ULK4: variants seen among roughly 807,000 people sequenced by gnomAD.
The protein encoded by ULK4 is unc-51 like kinase 4.
In ULK4, 133 loss-of-function variants were observed where a neutral mutation model predicts 160.6. The ratio of observed to expected loss-of-function variants is 0.83; its 90% CI spans 0.72 to 0.96. The LOEUF (loss-of-function observed/expected upper bound fraction) is 0.96, where lower values mean the gene tolerates loss of function less well. ULK4 is among the 40% of genes least tolerant of loss of function. The pLI is 0.00. For missense variants in ULK4, 1,580 were observed against 1,499.5 expected (o/e 1.05, Z -0.89); for synonymous variants, 534 against 539.8 (o/e 0.99, Z 0.15).
intron 35 of ULK4, among the ~76,000 whole-genome samples, chr3:41,381,578 A>C (rs938702194): frequency 3.3e-5 from 5 of 152,158 alleles, no homozygotes; most frequent in African/African-American, 1.2e-4. Flanking sequence ...TTTCTTTCAT[A>C]GTCTCCAACT....
intron 35 of ULK4, among the ~76,000 whole-genome samples, chr3:41,377,631 C>G (rs1403834790): frequency 6.9e-6 from 1 of 145,678 alleles, no homozygotes; most frequent in African/African-American, 2.6e-5. Context: ...AAATGCTCAT[C>G]ATCACTGGCC....
chr3:41,528,924 C>T (rs775284632), intron 32 of ULK4, among the ~76,000 whole-genome samples: 1 of 152,160 alleles, frequency 6.6e-6, no homozygotes, highest in African/African-American at 2.4e-5. Context: ...AACAAACCCC[C>T]GTGACACATG....
At chr3:41,720,265 T>C (rs1039483942) in intron 22 of ULK4, among the ~76,000 whole-genome samples, 1 of 152,226 alleles carries the variant, frequency 6.6e-6, no homozygotes, top group African/African-American at 2.4e-5. Flanking sequence ...GTTCAATACA[T>C]ATTAGCTGAA....
At chr3:41,420,468 G>GTTTTTTT (rs1559588075) in intron 34 of ULK4, among the ~76,000 whole-genome samples, 1 of 90,048 alleles carries the variant, frequency 1.1e-5, no homozygotes, top group Non-Finnish European at 2.2e-5. Context: ...CAGTTTTCCA[G>GTTTTTTT]TTCTTTCTTT....
chr3:41,404,226 A>ATTTTTTTTTTTTTTTTT (rs60508995), intron 34 of ULK4, among the ~76,000 whole-genome samples: 2 of 131,862 alleles, frequency 1.5e-5, no homozygotes, highest in Non-Finnish European at 1.6e-5. Flanking sequence ...TAGCTCTATC[A>ATTTTTTTTTTTTTTTTT]TTTTTTTTTT....
intron 35 of ULK4, among the ~76,000 whole-genome samples, chr3:41,333,025 G>A (rs1366519141): frequency 1.3e-5 from 2 of 151,990 alleles, no homozygotes; most frequent in African/African-American, 2.4e-5. Context: ...CAGAGGATGC[G>A]ATAATAACAC....
At chr3:41,608,507 A>T (rs767027262) in intron 31 of ULK4, among the ~76,000 whole-genome samples, 10 of 152,194 alleles carry the variant, frequency 6.6e-5, no homozygotes, top group Non-Finnish European at 1.3e-4. Flanking sequence ...CATATTGAGA[A>T]TGAGTAATCA....
chr3:41,482,674 C>T (rs2084370102), intron 32 of ULK4, among the ~76,000 whole-genome samples: 1 of 152,178 alleles, frequency 6.6e-6, no homozygotes, highest in African/African-American at 2.4e-5. Flanking sequence ...ATTCAAGTTA[C>T]TTTCTTGACT....
chr3:41,561,183 T>A (rs185026941), intron 32 of ULK4, among the ~76,000 whole-genome samples: 1 of 152,246 alleles, frequency 6.6e-6, no homozygotes, highest in Admixed American at 6.5e-5. Flanking sequence ...TTTGCATATG[T>A]TGAACCAGCC....
chr3:41,282,152 G>C (rs994523200), intron 35 of ULK4, among the ~76,000 whole-genome samples: 2 of 152,140 alleles, frequency 1.3e-5, no homozygotes, highest in African/African-American at 4.8e-5. Flanking sequence ...AAAAAAAAGA[G>C]AACACAAACA....
chr3:41,560,139 C>T (rs1360717702), intron 32 of ULK4, among the ~76,000 whole-genome samples: 5 of 151,774 alleles, frequency 3.3e-5, no homozygotes, highest in Admixed American at 2.0e-4. Context: ...TTCCCCATTG[C>T]TTTTGTCAAG....
At chr3:41,765,055 G>A (rs911532576) in intron 21 of ULK4, among the ~76,000 whole-genome samples, 1 of 152,092 alleles carries the variant, frequency 6.6e-6, no homozygotes, top group South Asian at 2.1e-4. Flanking sequence ...TCTCATTACT[G>A]GGTATATACC....
At chr3:41,730,485 G>C (rs1433849398) in intron 22 of ULK4, among the ~76,000 whole-genome samples, 2 of 152,050 alleles carry the variant, frequency 1.3e-5, no homozygotes, top group Non-Finnish European at 2.9e-5. Context: ...AGACTATTAT[G>C]AACAACTATA....
chr3:41,729,027 C>T (rs942830589), intron 22 of ULK4, among the ~76,000 whole-genome samples: 18 of 152,120 alleles, frequency 1.2e-4, no homozygotes, highest in African/African-American at 4.3e-4. Context: ...ATGACCCCAA[C>T]TCCTACAAAA....
intron 29 of ULK4, among the ~76,000 whole-genome samples, chr3:41,666,688 A>T (rs1026232823): frequency 6.6e-6 from 1 of 152,240 alleles, no homozygotes; most frequent in African/African-American, 2.4e-5. Flanking sequence ...ATGAATTTTT[A>T]TAAAGCTTCC....
intron 1 of ULK4, among the ~76,000 whole-genome samples, chr3:41,959,121 T>TG (rs1431121540): frequency 1.2e-4 from 18 of 152,096 alleles, no homozygotes; most frequent in Admixed American, 3.9e-4. Flanking sequence ...CCCAGCACTT[T>TG]GGGGGGCCGA....
At chr3:41,501,525 A>G (rs2085208393) in intron 32 of ULK4, among the ~76,000 whole-genome samples, 1 of 152,132 alleles carries the variant, frequency 6.6e-6, no homozygotes, top group South Asian at 2.1e-4. Context: ...ACAAAAATTA[A>G]TATTTAAAAT....
intron 31 of ULK4, among the ~76,000 whole-genome samples, chr3:41,583,087 CAG>C (rs982580144): frequency 7.9e-5 from 12 of 152,226 alleles, no homozygotes; most frequent in Middle Eastern, 3.4e-3. Context: ...AATGAAAGAA[CAG>C]AGTACTATTA....
At position 41,589,660 on chromosome 3, in the gene ULK4, A is replaced by C. The variant is rs80340584; in HGVS notation, c.3121-23530T>G. Among the ~76,000 whole-genome samples, 509 of 152,288 alleles carry C rather than the reference A, an allele frequency of 3.3e-3. 3 individuals carry two copies. Among genetic ancestry groups the C allele is most frequent in the African/African-American group, 0.012 (486 of 41,560 alleles). On this transcript the variant is annotated intron_variant, in intron 31 of 36. Coordinates refer to ENST00000301831, the MANE Select transcript of ULK4 (RefSeq NM_017886.4). ...AAAGGCACTTCTAAATATGCCTTAA[A>C]AAAGCTTTAAAGCAAACCCCTAAAA...
Sources: gnomAD v4.1 joint callset for allele counts (sites outside exome capture counted in the v4.1 genomes callset) on GRCh38, gnomAD v4.1.1 for gene constraint, MANE v1.5 for transcripts, NCBI Gene and HGNC (gene_info 2026-07-23, HGNC 2026-07-21) for gene names.